SIL1: variants seen among roughly 807,000 people sequenced by gnomAD.
SIL1 encodes the protein SIL1 nucleotide exchange factor.
SIL1 carries 40 observed loss-of-function variants against 49.1 expected under a neutral mutation model. The observed-to-expected ratio is 0.81, with a 90% confidence interval of 0.63 to 1.06. The LOEUF is 1.06. Ranked by LOEUF, SIL1 falls within the 50% of genes least tolerant of loss-of-function variation. The pLI is 0.00. For synonymous variants in SIL1, 253 were observed against 250.8 expected (o/e 1.01, Z -0.08); for missense variants, 500 against 572.6 (o/e 0.87, Z 1.29).
chr5:139,009,033 C>T (rs990647999), intron 7 of SIL1, among the ~76,000 whole-genome samples: 31 of 150,574 alleles, frequency 2.1e-4, no homozygotes, highest in African/African-American at 3.4e-4. Flanking sequence ...CTTTCTGTCT[C>T]GTTGATCTGT....
At chr5:139,038,205 A>G (rs1474295361) in intron 5 of SIL1, among the ~76,000 whole-genome samples, 2 of 152,222 alleles carry the variant, frequency 1.3e-5, no homozygotes, top group African/African-American at 4.8e-5. Context: ...AATCCATAAC[A>G]GCATCTGTTG....
Position 139,031,098 on chromosome 5 carries a change from G to C in SIL1, c.454-4106C>G, listed in dbSNP as rs147372570. On this transcript the variant is annotated intron_variant, in intron 5 of 9. Transcript: ENST00000394817. ...TTCTGATCATCTTAACAGGGTATTT[G>C]ACAAAACAAAACTTTTTAATTTTGG... Among the ~76,000 whole-genome samples the C allele has an allele frequency of 1.7e-4, 26 of 152,142 alleles. No individual in the cohort carries two copies. In the East Asian group the frequency reaches 5.0e-3, roughly 29 times the overall value.
chr5:139,176,767 C>T (rs759838537), intron 1 of SIL1, among the ~76,000 whole-genome samples: 2 of 151,968 alleles, frequency 1.3e-5, no homozygotes, highest in African/African-American at 2.4e-5. Context: ...CCAGAGGAAC[C>T]ACCTCGAGGG....
intron 1 of SIL1, among the ~76,000 whole-genome samples, chr5:139,139,851 G>A (rs1410909130): frequency 6.6e-6 from 1 of 150,956 alleles, no homozygotes; most frequent in East Asian, 1.9e-4. Flanking sequence ...AGTTGGGGCC[G>A]GGCATGGTGG....
At chr5:139,112,479 C>A (rs1230351978) in intron 3 of SIL1, among the ~76,000 whole-genome samples, 3 of 149,736 alleles carry the variant, frequency 2.0e-5, no homozygotes, top group African/African-American at 7.4e-5. Flanking sequence ...ATGTGAGGAG[C>A]GCCTCTGCCC....
chr5:138,966,722 T>C (rs1427732515), intron 7 of SIL1, among the ~76,000 whole-genome samples: 1 of 152,206 alleles, frequency 6.6e-6, no homozygotes, highest in Non-Finnish European at 1.5e-5. Context: ...CATTAAATCA[T>C]GCCATCCTCA....
At chr5:139,006,634 G>C (rs1001993292) in intron 7 of SIL1, among the ~76,000 whole-genome samples, 15 of 151,374 alleles carry the variant, frequency 9.9e-5, no homozygotes, top group African/African-American at 3.4e-4. Context: ...ATTGATTTTT[G>C]TATAAGGTGT....
chr5:139,102,083 A>G (rs574725010), intron 3 of SIL1, among the ~76,000 whole-genome samples: 6 of 152,370 alleles, frequency 3.9e-5, no homozygotes, highest in Non-Finnish European at 7.3e-5. Context: ...AAATACAAGT[A>G]TATTCACTAA....
intron 1 of SIL1, among the ~76,000 whole-genome samples, chr5:139,167,483 A>G (rs1751648369): frequency 6.6e-6 from 1 of 152,238 alleles, no homozygotes; most frequent in Non-Finnish European, 1.5e-5. Flanking sequence ...TAACAAAAAA[A>G]GTTTAAAAAG....
At chr5:139,180,597 G>A (rs763645013) in intron 1 of SIL1, among the ~76,000 whole-genome samples, 22 of 152,110 alleles carry the variant, frequency 1.4e-4, no homozygotes, top group Middle Eastern at 6.8e-3. Flanking sequence ...CACCACAATT[G>A]ATACATACAA....
intron 1 of SIL1, among the ~76,000 whole-genome samples, chr5:139,138,397 C>A (rs775425826): frequency 1.3e-5 from 2 of 152,192 alleles, no homozygotes; most frequent in East Asian, 3.9e-4. Flanking sequence ...AGACTGTAAG[C>A]TCCTAGCAAG....
intron 7 of SIL1, among the ~76,000 whole-genome samples, chr5:138,952,246 C>G (rs562493708): frequency 4.7e-4 from 72 of 152,372 alleles, no homozygotes; most frequent in Admixed American, 1.4e-3. Flanking sequence ...GCTTCCCAAG[C>G]CAGTGCCGGA....
chr5:139,001,879 G>A (rs1767991280), intron 7 of SIL1, among the ~76,000 whole-genome samples: 1 of 151,886 alleles, frequency 6.6e-6, no homozygotes, highest in Admixed American at 6.6e-5. Flanking sequence ...ACTCCAGCCT[G>A]GGTGACAAAG....
At chr5:139,060,381 AAC>A (rs1769559306) in intron 3 of SIL1, among the ~76,000 whole-genome samples, 2 of 152,206 alleles carry the variant, frequency 1.3e-5, no homozygotes, top group Admixed American at 6.5e-5. Context: ...CAATATAAAT[AAC>A]AGTTTTTTCT....
At chr5:139,108,111 A>T (rs536922782) in intron 3 of SIL1, 48 of 152,360 alleles carry the variant, frequency 3.2e-4, no homozygotes, top group African/African-American at 1.0e-3. Flanking sequence ...AAGAAAGGGC[A>T]TTATAGGCTT....
At chr5:139,155,828 G>A (rs1462052482) in intron 1 of SIL1, among the ~76,000 whole-genome samples, 1 of 143,420 alleles carries the variant, frequency 7.0e-6, no homozygotes, top group Non-Finnish European at 1.6e-5. Flanking sequence ...AACTGTCCCA[G>A]GTCAAATAAA....
At chr5:139,144,298 T>C (rs1178732396) in intron 1 of SIL1, among the ~76,000 whole-genome samples, 1 of 151,996 alleles carries the variant, frequency 6.6e-6, no homozygotes, top group Admixed American at 6.6e-5. Context: ...CACTTTAGTC[T>C]GAGTGACAGA....
intron 2 of SIL1, among the ~76,000 whole-genome samples, chr5:139,122,593 T>TCAAAAAAAAAAAAAAGTG (rs1298155994): frequency 6.8e-6 from 1 of 147,652 alleles, no homozygotes; most frequent in Non-Finnish European, 1.5e-5. Context: ...AGACCCTGTC[T>TCAAAAAAAAAAAAAAGTG]CAAAAAAAAA....
intron 1 of SIL1, among the ~76,000 whole-genome samples, chr5:139,170,365 C>T (rs554573288): frequency 1.2e-4 from 18 of 151,526 alleles, no homozygotes; most frequent in Admixed American, 6.6e-4. Context: ...GCCTGGCTGC[C>T]CAGTCTGGAA....
Sources: gnomAD v4.1 joint callset for allele counts (sites outside exome capture counted in the v4.1 genomes callset) on GRCh38, gnomAD v4.1.1 for gene constraint, MANE v1.5 for transcripts, NCBI Gene and HGNC (gene_info 2026-07-23, HGNC 2026-07-21) for gene names.